SPARCL1: variants seen among roughly 807,000 people sequenced by gnomAD.
The protein encoded by SPARCL1 is SPARC-like protein 1.
In SPARCL1, 52 loss-of-function variants were observed where a neutral mutation model predicts 67.1. That is an observed-to-expected ratio of 0.78 (90% CI 0.62 to 0.98). The LOEUF is 0.98. Among genes scored for constraint, SPARCL1 ranks in the 50% least tolerant of loss-of-function variants. The pLI is 0.00. For missense variants in SPARCL1, 717 were observed against 782.4 expected (o/e 0.92, Z 1.00); for synonymous variants, 226 against 267.8 (o/e 0.84, Z 1.52).
At position 87,484,514 on chromosome 4, in the gene SPARCL1, C is replaced by T. The variant is rs552429970; in HGVS notation, c.1532-1954G>A. ...TGTAGTATAGTTTGAAGTTAGTTAG[C>T]GTGATGCCTCCAGCTTTGTTGTTTT... On this transcript the variant is annotated intron_variant, in intron 7 of 10. Coordinates refer to ENST00000282470, the MANE Select transcript of SPARCL1 (RefSeq NM_004684.6). Among the ~76,000 whole-genome samples, 8 of 152,216 alleles carry T rather than the reference C, an allele frequency of 5.3e-5. No homozygotes were observed. The South Asian group carries it at 1.2e-3, about 24-fold the overall frequency.
intron 8 of SPARCL1, among the ~76,000 whole-genome samples, chr4:87,481,549 A>G (rs181927939): frequency 1.3e-4 from 20 of 152,282 alleles, no homozygotes; most frequent in Non-Finnish European, 1.6e-4. Flanking sequence ...AACAGTTCCT[A>G]TCAAGGTCAG....
At chr4:87,474,611 T>C (rs1723489039) in intron 10 of SPARCL1, among the ~76,000 whole-genome samples, 1 of 152,178 alleles carries the variant, frequency 6.6e-6, no homozygotes, top group African/African-American at 2.4e-5. Context: ...TTTCCTCTTT[T>C]TTTCTTACAT....
chr4:87,506,821 CT>C lies in SPARCL1; in HGVS notation c.-11-7237del, dbSNP rs746838515. ...TCTATCTATCTATCTATCTATCTAT[CT>C]ATCTACCTACCTACCTACCTACCTA... On this transcript the variant is annotated intron_variant, in intron 1 of 10. Coordinates refer to ENST00000282470, the MANE Select transcript of SPARCL1 (RefSeq NM_004684.6). Among the ~76,000 whole-genome samples the C allele has an allele frequency of 2.3e-4, 34 of 150,786 alleles. No homozygotes were observed. The East Asian group carries it at 2.8e-3, about 12-fold the overall frequency.
chr4:87,479,458 C>G lies in SPARCL1; in HGVS notation c.1938G>C (p.Glu646Asp). 1 of 1,613,854 alleles carries G rather than the reference C, an allele frequency of 6.2e-7. No homozygotes were observed. Among genetic ancestry groups the G allele is most frequent in the Non-Finnish European group, 8.5e-7 (1 of 1,179,992 alleles). The stretch of plus-strand genomic sequence containing the variant: ...CTTTAATTCCAAAGCAGTGGCCCCA[C>G]TCCTTCAGGGTGATGTGCTTATCCT... ...PNKDKHITLK[E>D]WGHCFGIKEE... The change falls in exon 10 of 11, where the codon GAG (glutamate) becomes GAC (aspartate). Residue 646 changes from glutamate (E) to aspartate (D), a missense_variant. Glu to Asp is a conservative substitution (Grantham distance 45). Coordinates refer to ENST00000282470, the MANE Select transcript of SPARCL1 (RefSeq NM_004684.6).
At chr4:87,508,620 T>C (rs899943919) in intron 1 of SPARCL1, among the ~76,000 whole-genome samples, 19 of 151,614 alleles carry the variant, frequency 1.3e-4, no homozygotes, top group Admixed American at 1.3e-4. Context: ...AAGATTAGAG[T>C]CCTGCCTTGG....
intron 10 of SPARCL1, among the ~76,000 whole-genome samples, chr4:87,474,899 C>T (rs1368789989): frequency 4.6e-5 from 7 of 152,042 alleles, no homozygotes; most frequent in South Asian, 2.1e-4. Context: ...CCCGCCACCA[C>T]GCCCGGCTAA....
chr4:87,513,686 A>T (rs933713153), intron 1 of SPARCL1, among the ~76,000 whole-genome samples: 2 of 152,152 alleles, frequency 1.3e-5, no homozygotes, highest in African/African-American at 4.8e-5. Context: ...TATGTCTTGT[A>T]TTAAGTGTGA....
intron 1 of SPARCL1, among the ~76,000 whole-genome samples, chr4:87,518,595 T>A (rs1276183307): frequency 6.6e-6 from 1 of 152,188 alleles, no homozygotes; most frequent in Admixed American, 6.5e-5. Flanking sequence ...GAGTACAAGA[T>A]CAATACGAGT....
chr4:87,503,718 G>A (rs946815753), intron 1 of SPARCL1, among the ~76,000 whole-genome samples: 3 of 128,948 alleles, frequency 2.3e-5, no homozygotes, highest in Non-Finnish European at 3.1e-5. Flanking sequence ...TTGCTCTGTT[G>A]CCCAGGCTGG....
intron 7 of SPARCL1, among the ~76,000 whole-genome samples, chr4:87,485,148 T>G (rs2110217739): frequency 6.6e-6 from 1 of 152,236 alleles, no homozygotes; most frequent in East Asian, 1.9e-4. Context: ...TGTGCTGGTT[T>G]TCAAAGGGAA....
At chr4:87,526,368 G>A (rs780025628) in intron 1 of SPARCL1, among the ~76,000 whole-genome samples, 12 of 152,112 alleles carry the variant, frequency 7.9e-5, no homozygotes, top group Non-Finnish European at 1.3e-4. Context: ...AGAAATCATT[G>A]CAAGTATGTA....
Position 87,507,192 on chromosome 4 carries a change from T to C in SPARCL1, c.-11-7607A>G, listed in dbSNP as rs150843711. On this transcript the variant is annotated intron_variant, in intron 1 of 10. Transcript: ENST00000282470. ...TAACAGTGGAATTAGGCACATGGAA[T>C]GCTACCCTATTTTCTTACAAATGGT... Among the ~76,000 whole-genome samples the C allele has an allele frequency of 2.6e-4, 40 of 152,352 alleles. No individual in the cohort carries two copies. In the East Asian group the frequency reaches 7.5e-3, roughly 29 times the overall value.
chr4:87,479,393 G>C, intron 10 of SPARCL1, 37 bp downstream of exon 10: 1 of 1,602,802 alleles, frequency 6.2e-7, no homozygotes, highest in Non-Finnish European at 8.5e-7. Flanking sequence ...GTCTGAGGAA[G>C]AAGACATCCC....
chr4:87,478,652 A>G (rs1054933689), intron 10 of SPARCL1, among the ~76,000 whole-genome samples: 8 of 151,878 alleles, frequency 5.3e-5, no homozygotes, highest in East Asian at 1.9e-4. Context: ...TGGCCAGGCT[A>G]GTCTCTAACT....
In SPARCL1 at chr4:87,494,210, A is replaced by G. The variant is rs1166529690; in HGVS notation, c.590T>C (p.Ile197Thr). Reference protein sequence around the residue: ...DQGNQEQDPNISNGEEEEEKE... With the variant: ...DQGNQEQDPNTSNGEEEEEKE... ...TTCTTCTTCCTCTTCTCCATTGGAAATATTTGGATCCTGCTCTTGGTTTCC... is the reference window on the plus strand; with the variant it reads ...TTCTTCTTCCTCTTCTCCATTGGAAGTATTTGGATCCTGCTCTTGGTTTCC... The change falls in exon 4 of 11, where the codon ATT becomes ACT. Residue 197 changes from isoleucine (I) to threonine (T), a missense_variant. Transcript: ENST00000282470. 1.9e-6 allele frequency: 3 copies of G among 1,613,924 alleles called. No individual in the cohort carries two copies. The Admixed American group carries it at 5.0e-5, about 27-fold the overall frequency.
rs148049737 is a variant in SPARCL1 at position 87,518,014 on chromosome 4, C to T, written c.-12+11031G>A. On this transcript the variant is annotated intron_variant, in intron 1 of 10. Coordinates refer to ENST00000282470, the MANE Select transcript of SPARCL1 (RefSeq NM_004684.6). ...GATCGTGGTCCAAGCTTCTCATGTA[C>T]CTTGGTGAGGGCCAACACATTTAAT... 9.9e-5 allele frequency among the ~76,000 whole-genome samples: 15 copies of T among 152,242 alleles called. No individual in the cohort carries two copies. In the East Asian group the frequency reaches 2.5e-3, roughly 25 times the overall value.
intron 10 of SPARCL1, 85 bp from the exon 11 acceptor site, chr4:87,473,888 G>GGTTTCTCT: frequency 2.2e-6 from 2 of 899,660 alleles, no homozygotes; most frequent in Non-Finnish European, 3.6e-6. Flanking sequence ...GGGGATTAGA[G>GGTTTCTCT]AAACCATCTA....
chr4:87,514,619 G>A (rs568077022), intron 1 of SPARCL1, among the ~76,000 whole-genome samples: 81 of 152,240 alleles, frequency 5.3e-4, no homozygotes, highest in African/African-American at 1.8e-3. Flanking sequence ...ACTTTAAAAC[G>A]CCTTGTGTTC....
chr4:87,506,789 C>A (rs866812951), intron 1 of SPARCL1, among the ~76,000 whole-genome samples: 2 of 112,986 alleles, frequency 1.8e-5, no homozygotes, highest in African/African-American at 7.2e-5. Flanking sequence ...TATCATCTAT[C>A]TATCTATCTA....
Sources: allele counts gnomAD v4.1 joint callset (sites outside exome capture counted in the v4.1 genomes callset), GRCh38; gene constraint gnomAD v4.1.1; transcripts MANE v1.5; gene names NCBI Gene and HGNC (gene_info 2026-07-23, HGNC 2026-07-21).